The following NGEF variants were observed in gnomAD, a reference collection of about 807,000 sequenced individuals.
The protein encoded by NGEF is neuronal guanine nucleotide exchange factor, also known as ephexin-1.
A neutral mutation model predicts 80.9 loss-of-function variants in NGEF; 31 were observed. The ratio of observed to expected loss-of-function variants is 0.38; its 90% confidence interval spans 0.29 to 0.52. NGEF has a LOEUF of 0.52. Ranked by LOEUF, NGEF falls within the 20% of genes least tolerant of loss-of-function variation. The probability of loss-of-function intolerance (pLI) is 0.84; values close to 1 mark genes in which losing one functional copy is unlikely to be tolerated. For synonymous variants in NGEF, 371 were observed against 370.2 expected (o/e 1.00, Z -0.03); for missense variants, 709 against 926.2 (o/e 0.77, Z 3.04).
At chr2:232,909,403 T>G (rs1206848394) in intron 5 of NGEF, among the ~76,000 whole-genome samples, 1 of 148,048 alleles carries the variant, frequency 6.8e-6, no homozygotes, top group Non-Finnish European at 1.5e-5. Context: ...ATTTAATCTA[T>G]CTCCAGATTT....
intron 9 of NGEF, among the ~76,000 whole-genome samples, chr2:232,886,165 C>T (rs919724540): frequency 1.3e-5 from 2 of 150,014 alleles, no homozygotes; most frequent in Non-Finnish European, 3.0e-5. Context: ...GCGGTGTGTA[C>T]TGTGTGTGAT....
At position 233,001,304 on chromosome 2, in the gene NGEF, C is replaced by G. The variant is rs1194490407; in HGVS notation, c.-75+11764G>C. ...CAACTCCTAACATCTCTCATCACCC[C>G]CAATATAAGCCTCTCCCTTCTGGAA... On this transcript the variant is annotated intron_variant, in intron 1 of 14. Transcript: ENST00000264051. Among the ~76,000 whole-genome samples, 3 of 152,236 alleles carry G rather than the reference C, an allele frequency of 2.0e-5. No individual in the cohort carries two copies. In the East Asian group the frequency reaches 5.8e-4, roughly 29 times the overall value.
intron 1 of NGEF, among the ~76,000 whole-genome samples, chr2:233,008,276 G>A (rs557280239): frequency 6.6e-6 from 1 of 152,340 alleles, no homozygotes; most frequent in East Asian, 1.9e-4. Flanking sequence ...GGAGGCAGTT[G>A]TGGGGGTCTG....
At chr2:232,952,368 T>G (rs1693694943) in intron 3 of NGEF, among the ~76,000 whole-genome samples, 1 of 152,238 alleles carries the variant, frequency 6.6e-6, no homozygotes, top group African/African-American at 2.4e-5. Context: ...CTGGCAACCT[T>G]GTAGAGTTAG....
At chr2:232,930,290 G>C (rs1693191552) in intron 3 of NGEF, among the ~76,000 whole-genome samples, 1 of 149,464 alleles carries the variant, frequency 6.7e-6, no homozygotes, top group South Asian at 2.1e-4. Context: ...ATGATGCAAA[G>C]AGAGAGAGAG....
intron 1 of NGEF, among the ~76,000 whole-genome samples, chr2:232,998,604 G>C (rs1467106643): frequency 6.6e-6 from 1 of 152,034 alleles, no homozygotes; most frequent in Non-Finnish European, 1.5e-5. Context: ...TCCATGCTGG[G>C]TGAAGCCTTC....
At chr2:232,902,383 G>A (rs545228306) in intron 5 of NGEF, among the ~76,000 whole-genome samples, 6 of 152,286 alleles carry the variant, frequency 3.9e-5, no homozygotes, top group South Asian at 2.1e-4. Flanking sequence ...ATTCGAGGCC[G>A]GACTGAGCAG....
chr2:232,900,613 TACAC>T lies in NGEF; in HGVS notation c.829-5701_829-5698del, dbSNP rs1358341323. Among the ~76,000 whole-genome samples, 43 of 37,738 alleles carry T rather than the reference TACAC, an allele frequency of 1.1e-3. 5 individuals are homozygous for T. In the East Asian group the frequency reaches 0.036, roughly 32 times the overall value. 24.8% of individuals were successfully genotyped at this position (37,738 alleles called of 152,430 possible). ...TCACTCATATACACGTTCACTCACA[TACAC>T]ACACGCTCTCACAGTCACTCATATA... On this transcript the variant is annotated intron_variant, in intron 5 of 14. Coordinates refer to ENST00000264051, the MANE Select transcript of NGEF (RefSeq NM_019850.3).
rs542773812 is a variant in NGEF at position 232,921,509 on chromosome 2, T to C, written c.527-924A>G. 2.6e-4 allele frequency among the ~76,000 whole-genome samples: 39 copies of C among 152,302 alleles called. 2 individuals carry two copies. The South Asian group carries it at 7.9e-3, about 31-fold the overall frequency. On this transcript the variant is annotated intron_variant, in intron 4 of 14. Transcript: ENST00000264051. ...CTCTGTTACCCAGGCTGGAGGGCAG[T>C]GGTGCAATCATAGCTCACTGCAGCC...
At chr2:232,993,612 T>A (rs970738754) in intron 1 of NGEF, among the ~76,000 whole-genome samples, 32 of 152,214 alleles carry the variant, frequency 2.1e-4, no homozygotes, top group African/African-American at 7.2e-4. Flanking sequence ...CACACAAAGA[T>A]GTACACACGT....
At chr2:232,923,223 A>C (rs1335230930) in intron 4 of NGEF, among the ~76,000 whole-genome samples, 1 of 152,188 alleles carries the variant, frequency 6.6e-6, no homozygotes, top group Non-Finnish European at 1.5e-5. Flanking sequence ...ACTATCTTGA[A>C]CATCTCACTG....
chr2:232,978,793 C>T (rs1694348869), intron 1 of NGEF, among the ~76,000 whole-genome samples: 1 of 152,194 alleles, frequency 6.6e-6, no homozygotes, highest in African/African-American at 2.4e-5. Flanking sequence ...AGTAGAGGCT[C>T]ATCCGTGGCT....
intron 1 of NGEF, among the ~76,000 whole-genome samples, chr2:233,010,077 G>A (rs112938944): frequency 6.6e-6 from 1 of 152,116 alleles, no homozygotes; most frequent in South Asian, 2.1e-4. Context: ...ATTTTTAGTA[G>A]AGATGGGGTT....
chr2:232,982,796 G>C (rs1388566005), intron 1 of NGEF, among the ~76,000 whole-genome samples: 1 of 152,226 alleles, frequency 6.6e-6, no homozygotes, highest in Non-Finnish European at 1.5e-5. Flanking sequence ...TTACAGGCTT[G>C]AGCCACTGCG....
In NGEF at chr2:233,008,648, G is replaced by T. The variant is rs192818046; in HGVS notation, c.-75+4420C>A. Among the ~76,000 whole-genome samples, 4 of 152,256 alleles carry T rather than the reference G, an allele frequency of 2.6e-5. No individual in the cohort carries two copies. The East Asian group carries it at 7.7e-4, about 29-fold the overall frequency. On this transcript the variant is annotated intron_variant, in intron 1 of 14. Coordinates refer to ENST00000264051, the MANE Select transcript of NGEF (RefSeq NM_019850.3). Reference sequence around the variant, plus strand: ...TCCCTTGAAGGGCACTGTCCAAGTTGCTTGCCCTTCTGCAGAGCCTATATT... The same window carrying T: ...TCCCTTGAAGGGCACTGTCCAAGTTTCTTGCCCTTCTGCAGAGCCTATATT...
At chr2:233,004,431 C>G (rs1332789107) in intron 1 of NGEF, among the ~76,000 whole-genome samples, 1 of 152,212 alleles carries the variant, frequency 6.6e-6, no homozygotes, top group African/African-American at 2.4e-5. Context: ...CACTTCTTGG[C>G]CTTGACTCCA....
At chr2:232,936,835 GTTC>G (rs923195370) in intron 3 of NGEF, among the ~76,000 whole-genome samples, 40 of 152,306 alleles carry the variant, frequency 2.6e-4, no homozygotes, top group Admixed American at 1.7e-3. Context: ...AGTTCTGTGA[GTTC>G]TTCTAGCAAT....
chr2:232,906,723 G>C (rs1692564348), intron 5 of NGEF, among the ~76,000 whole-genome samples: 1 of 149,852 alleles, frequency 6.7e-6, no homozygotes, highest in African/African-American at 2.5e-5. Flanking sequence ...GACAATGGCG[G>C]TTTTGTGGAA....
chr2:232,963,047 CG>C (rs1693986321), intron 3 of NGEF, among the ~76,000 whole-genome samples: 2 of 151,654 alleles, frequency 1.3e-5, no homozygotes, highest in Non-Finnish European at 2.9e-5. Flanking sequence ...ATTGACAAAC[CG>C]ATTCCAAAAT....
Sources: gnomAD v4.1 joint callset for allele counts (sites outside exome capture counted in the v4.1 genomes callset) on GRCh38, gnomAD v4.1.1 for gene constraint, MANE v1.5 for transcripts, NCBI Gene and HGNC (gene_info 2026-07-23, HGNC 2026-07-21) for gene names.